Variants in FUBP3 observed in about 807,000 individuals in gnomAD.
FUBP3 encodes the protein far upstream element binding protein 3.
FUBP3 carries 28 observed loss-of-function variants against 85.6 expected under a neutral mutation model. That is an observed-to-expected ratio of 0.33 (90% CI 0.24 to 0.45). The LOEUF (loss-of-function observed/expected upper bound fraction) is 0.45. Among genes scored for constraint, FUBP3 ranks in the 20% least tolerant of loss-of-function variants. The probability of loss-of-function intolerance (pLI) is 1.00; values close to 1 mark genes in which losing one functional copy is unlikely to be tolerated. For synonymous variants in FUBP3, 271 were observed against 271.4 expected (o/e 1.00, Z 0.01); for missense variants, 583 against 755.1 (o/e 0.77, Z 2.67).
chr9:130,616,520 G>T lies in FUBP3; in HGVS notation c.567+3G>T, dbSNP rs968518987. On this transcript the variant is annotated splice_donor_region_variant and intron_variant, in intron 7 of 18. Coordinates refer to ENST00000319725, the MANE Select transcript of FUBP3 (RefSeq NM_003934.2). The surrounding 1 kb of genome is among the most constrained non-coding windows in gnomAD (Gnocchi z 4.7). ...GGGAAACAATCAAGCAGTTGCAGGT[G>T]TGTGAGCCCGGAGCACGGAGCACAG... The T allele has an allele frequency of 1.4e-5, 22 of 1,613,872 alleles. No homozygotes were observed. Among genetic ancestry groups the T allele is most frequent in the Admixed American group, 5.0e-5 (3 of 60,002 alleles).
At chr9:130,631,043 C>T (rs1830188945) in intron 13 of FUBP3, 1 of 802,968 alleles carries the variant, frequency 1.2e-6, no homozygotes, top group Admixed American at 4.3e-5. Context: ...AGAGCCGTTC[C>T]CCTGCGGGCT....
At chr9:130,589,713 T>A (rs1430529398) in intron 1 of FUBP3, among the ~76,000 whole-genome samples, 108 of 89,652 alleles carry the variant, frequency 1.2e-3, no homozygotes, top group East Asian at 3.3e-3. Context: ...ATATTTTTTT[T>A]TTTTTTTTTT....
chr9:130,581,052 C>G (rs192136778), intron 1 of FUBP3: 24 of 152,328 alleles, frequency 1.6e-4, no homozygotes, highest in Admixed American at 1.5e-3. Flanking sequence ...CCTTGTTTCT[C>G]ACTGGCTACT....
chr9:130,590,819 G>A (rs1219292705), intron 1 of FUBP3, among the ~76,000 whole-genome samples: 1 of 152,044 alleles, frequency 6.6e-6, no homozygotes, highest in Admixed American at 6.6e-5. Context: ...TTTTAGTCTT[G>A]AAAATGTGCA....
At chr9:130,595,889 C>A (rs1261455634) in intron 2 of FUBP3, among the ~76,000 whole-genome samples, 1 of 152,190 alleles carries the variant, frequency 6.6e-6, no homozygotes, top group African/African-American at 2.4e-5. Flanking sequence ...CTCCCTTCTT[C>A]AGTGCGCATG....
chr9:130,633,935 T>C (rs1830314724), intron 16 of FUBP3, among the ~76,000 whole-genome samples: 1 of 152,204 alleles, frequency 6.6e-6, no homozygotes, highest in Non-Finnish European at 1.5e-5. Flanking sequence ...TGAGGGGGTC[T>C]TTTGTGGGCC....
intron 12 of FUBP3, 23 bp downstream of exon 12, chr9:130,626,528 C>A: frequency 6.2e-7 from 1 of 1,611,326 alleles, no homozygotes; most frequent in Non-Finnish European, 8.5e-7. Flanking sequence ...TGGGGTTTCA[C>A]ATCCCCCCTC....
At chr9:130,618,926 A>C (rs149480756) in intron 8 of FUBP3, among the ~76,000 whole-genome samples, 1 of 152,298 alleles carries the variant, frequency 6.6e-6, no homozygotes, top group African/African-American at 2.4e-5. Flanking sequence ...CCAGTCAGTG[A>C]TACGGTTGTT....
intron 1 of FUBP3, among the ~76,000 whole-genome samples, chr9:130,587,137 T>C (rs1392637330): frequency 6.7e-6 from 1 of 150,232 alleles, no homozygotes; most frequent in Non-Finnish European, 1.5e-5. Flanking sequence ...TGATCTCGGC[T>C]CACTGCAACC....
At chr9:130,628,115 C>A (rs957447187) in intron 12 of FUBP3, among the ~76,000 whole-genome samples, 1 of 151,832 alleles carries the variant, frequency 6.6e-6, no homozygotes, top group Non-Finnish European at 1.5e-5. Context: ...CACACACACA[C>A]ACACACACAC....
Position 130,614,438 on chromosome 9 carries a change from G to C in FUBP3, c.404+93G>C, listed in dbSNP as rs941215841. On this transcript the variant is annotated intron_variant, in intron 6 of 18. Coordinates refer to ENST00000319725, the MANE Select transcript of FUBP3 (RefSeq NM_003934.2). Reference sequence around the variant, plus strand: ...GGGCAACACTGTTACTGAACACTGAGTCTGTGCTGCAGTCTGGCCACACAG... The same window carrying C: ...GGGCAACACTGTTACTGAACACTGACTCTGTGCTGCAGTCTGGCCACACAG... 13 of 783,552 alleles carry C rather than the reference G, an allele frequency of 1.7e-5. 1 individual carries two copies. In the African/African-American group the frequency reaches 2.0e-4, roughly 12 times the overall value. The allele number at this position is 783,552 out of a possible 1,614,324, so 48.5% of individuals were successfully genotyped here. A position where few individuals can be genotyped will look rare whatever the true frequency, so the allele number is the denominator to read the frequency against.
At position 130,630,806 on chromosome 9, in the gene FUBP3, C is replaced by G. The variant is rs1830180545; in HGVS notation, c.1278+18C>G. 1.4e-6 allele frequency: 2 copies of G among 1,447,622 alleles called. No individual in the cohort carries two copies. The highest frequency in any genetic ancestry group is 1.5e-5 in the South Asian group (1 of 66,310). The allele number at this position is 1,447,622 out of a possible 1,614,324, so 89.7% of individuals were successfully genotyped here. ...AAGTTGGCGTACGTACAGGGTCCTT[C>G]CCCCACCTGGTTTACTCATAGCTGT... On this transcript the variant is annotated intron_variant, in intron 13 of 18. Transcript: ENST00000319725.
rs546029569 is a variant in FUBP3, at chr9:130,635,762, G to A, written c.1583-237G>A. ...GAGATGCAGAGAATGCGCTTCCGCA[G>A]AGAGAAGGCAGGCGTGAGGATTGGT... On this transcript the variant is annotated intron_variant, in intron 17 of 18. Transcript: ENST00000319725. This position sits in a 1 kb window ranked among gnomAD's most constrained non-coding sequence, Gnocchi z 4.3. The A allele has an allele frequency of 1.7e-4, 73 of 423,524 alleles. No individual in the cohort carries two copies. Among genetic ancestry groups the A allele is most frequent in the African/African-American group, 1.4e-3 (69 of 49,224 alleles). The allele number at this position is 423,524 out of a possible 1,614,324, so 26.2% of individuals were successfully genotyped here.
Position 130,609,964 on chromosome 9 carries a change from G to T in FUBP3, c.201G>T (p.Gln67His). ...TTCTCTTTGCCACAGTAGGTAACCA[G>T]TTAGGGGCCTTGGTACATCAAAGGT... is the stretch of plus-strand genomic sequence containing the variant. ...KRPLDDGVGN[Q>H]LGALVHQRTV... The change falls in exon 3 of 19, where the codon CAG becomes CAT. Residue 67 changes from glutamine (Q) to histidine (H), a missense_variant. Around this residue, in one of 3 missense-constraint regions of FUBP3, gnomAD observed 177 missense variants for 221.9 expected, o/e 0.80. Coordinates refer to ENST00000319725, the MANE Select transcript of FUBP3 (RefSeq NM_003934.2). 6.2e-7 allele frequency: 1 copy of T among 1,609,948 alleles called. No individual in the cohort carries two copies. Among genetic ancestry groups the T allele is most frequent in the Non-Finnish European group, 8.5e-7 (1 of 1,176,844 alleles).
intron 13 of FUBP3, chr9:130,631,074 C>T: frequency 2.9e-6 from 3 of 1,037,262 alleles, no homozygotes; most frequent in Non-Finnish European, 3.6e-6. Flanking sequence ...GCTGGGGCGG[C>T]AGCCTCCCCC....
intron 2 of FUBP3, among the ~76,000 whole-genome samples, chr9:130,603,369 C>CAAAG (rs60604069): frequency 0.23 from 25,391 of 110,926 alleles, 2,886 homozygotes; most frequent in African/African-American, 0.39. Context: ...AAAAAAAAAA[C>CAAAG]AAATAGTGAA....
At chr9:130,613,055 A>G in intron 5 of FUBP3, 28 bp downstream of exon 5, 1 of 1,441,422 alleles carries the variant, frequency 6.9e-7, no homozygotes. Flanking sequence ...ATAGATATCA[A>G]TTTTGTAGAA....
At position 130,613,096 on chromosome 9, in the gene FUBP3, G is replaced by C. The variant is rs1301206440; in HGVS notation, c.346+69G>C. 4 of 983,162 alleles carry C rather than the reference G, an allele frequency of 4.1e-6. No individual in the cohort carries two copies. In the African/African-American group the frequency reaches 6.5e-5, roughly 16 times the overall value. The allele number at this position is 983,162 out of a possible 1,614,324, so 60.9% of individuals were successfully genotyped here. A position where few individuals can be genotyped will look rare whatever the true frequency, so the allele number is the denominator to read the frequency against. ...TATTTTGCAAAACTTTCCAGATTCG[G>C]TACTTTGCTTGTTGCTTGGGTAAGT... On this transcript the variant is annotated intron_variant, in intron 5 of 18. Coordinates refer to ENST00000319725, the MANE Select transcript of FUBP3 (RefSeq NM_003934.2).
chr9:130,619,659 C>T (rs1226279602), intron 8 of FUBP3, among the ~76,000 whole-genome samples: 2 of 152,138 alleles, frequency 1.3e-5, no homozygotes, highest in East Asian at 1.9e-4. Flanking sequence ...AGGTCTTTAG[C>T]GCAGATTCCT....
Sources: allele counts gnomAD v4.1 joint callset (sites outside exome capture counted in the v4.1 genomes callset), GRCh38; gene constraint gnomAD v4.1.1; regional missense constraint gnomAD v4.1.1; non-coding constraint Gnocchi (gnomAD v3.1); transcripts MANE v1.5; gene names NCBI Gene and HGNC (gene_info 2026-07-23, HGNC 2026-07-21).